The following GMPS variants were observed in gnomAD, a reference collection of about 807,000 sequenced individuals.
GMPS encodes GMP synthase [glutamine-hydrolyzing].
In GMPS, 15 loss-of-function variants were observed where a neutral mutation model predicts 77.9. That is an observed-to-expected ratio of 0.19 (90% CI 0.13 to 0.30). The LOEUF (loss-of-function observed/expected upper bound fraction) is 0.30, where lower values mean the gene tolerates loss of function less well. GMPS is among the 10% of genes least tolerant of loss of function. The pLI, the probability that GMPS is intolerant of heterozygous loss-of-function variation, is 1.00. For synonymous variants in GMPS, 224 were observed against 275.9 expected (o/e 0.81, Z 1.86); for missense variants, 590 against 838.8 (o/e 0.70, Z 3.66).
At chr3:155,871,610 G>T (rs1283663165) in intron 1 of GMPS, among the ~76,000 whole-genome samples, 1 of 152,248 alleles carries the variant, frequency 6.6e-6, no homozygotes, top group African/African-American at 2.4e-5. Context: ...AGAGAGGAAA[G>T]GGTGTGTGTC....
chr3:155,924,263 G>C (rs1216714307), intron 11 of GMPS, among the ~76,000 whole-genome samples: 1 of 152,224 alleles, frequency 6.6e-6, no homozygotes, highest in Non-Finnish European at 1.5e-5. Flanking sequence ...GGAATGCTAA[G>C]CAAGGAAAAT....
Position 155,942,631 on chromosome 3 carries a change from A to G in GMPS, c.*4939A>G, listed in dbSNP as rs1373566881. On this transcript the variant is annotated 3_prime_UTR_variant, in exon 16 of 16. Coordinates refer to ENST00000496455, the MANE Select transcript of GMPS (RefSeq NM_003875.3). The stretch of plus-strand genomic sequence containing the variant: ...CACTCCCAGGACCTGTTTGGTAATA[A>G]TTAGGACAGCTGACATACTTGTTGC... The G allele has an allele frequency of 8.7e-6, 2 of 228,914 alleles. No individual in the cohort carries two copies. The highest frequency in any genetic ancestry group is 4.4e-5 in the African/African-American group (2 of 45,108). 14.2% of individuals were successfully genotyped at this position (228,914 alleles called of 1,614,324 possible). A position where few individuals can be genotyped will look rare whatever the true frequency, so the allele number is the denominator to read the frequency against.
intron 7 of GMPS, 90 bp from the exon 8 acceptor site, chr3:155,914,329 G>T (rs1054563939): frequency 1.8e-5 from 17 of 963,186 alleles, no homozygotes; most frequent in African/African-American, 1.7e-5. Context: ...GACTGGGAAA[G>T]AAATAGCTTT....
intron 3 of GMPS, among the ~76,000 whole-genome samples, chr3:155,901,396 A>C (rs897688431): frequency 2.0e-5 from 3 of 152,110 alleles, no homozygotes; most frequent in Admixed American, 6.6e-5. Flanking sequence ...TTACTTTTAC[A>C]TTCCAGTGTT....
At chr3:155,909,656 A>G (rs1404075836) in intron 5 of GMPS, among the ~76,000 whole-genome samples, 2 of 152,274 alleles carry the variant, frequency 1.3e-5, no homozygotes, top group Admixed American at 6.5e-5. Context: ...TTTAACATTT[A>G]TAGAGGAAGA....
chr3:155,940,734 G>T lies in GMPS; in HGVS notation c.*3042G>T. ...AGCAGGAGACAGAATGGAGAAGCTG[G>T]ATAGTGTTTTTTTTTTTTTTTTTTA... is the stretch of plus-strand genomic sequence containing the variant. On this transcript the variant is annotated 3_prime_UTR_variant, in exon 16 of 16. Transcript: ENST00000496455. The T allele has an allele frequency of 5.3e-6, 1 of 189,244 alleles. No homozygotes were observed. The highest frequency in any genetic ancestry group is 1.0e-5 in the Non-Finnish European group (1 of 99,220). 11.7% of individuals were successfully genotyped at this position (189,244 alleles called of 1,614,324 possible). A position where few individuals can be genotyped will look rare whatever the true frequency, so the allele number is the denominator to read the frequency against.
intron 6 of GMPS, 107 bp from the exon 7 acceptor site, chr3:155,911,007 T>G: frequency 9.1e-7 from 1 of 1,099,562 alleles, no homozygotes; most frequent in Middle Eastern, 2.3e-4. Flanking sequence ...CCAGTTACCA[T>G]ACATATCTTT....
At chr3:155,890,767 G>C (rs1754445129) in intron 1 of GMPS, among the ~76,000 whole-genome samples, 1 of 152,170 alleles carries the variant, frequency 6.6e-6, no homozygotes, top group Non-Finnish European at 1.5e-5. Flanking sequence ...GGTAAGTTCT[G>C]TGGCTGTATA....
chr3:155,925,156 A>C, intron 11 of GMPS, 85 bp from the exon 12 acceptor site: 2 of 1,240,082 alleles, frequency 1.6e-6, no homozygotes, highest in Non-Finnish European at 2.3e-6. Flanking sequence ...AAAAACCAGT[A>C]AAATACATAA....
rs1243873792 is a variant in GMPS, at chr3:155,942,528, G to A, written c.*4836G>A. 1.3e-5 allele frequency: 3 copies of A among 227,584 alleles called. No individual in the cohort carries two copies. Among genetic ancestry groups the A allele is most frequent in the Non-Finnish European group, 2.6e-5 (3 of 114,566 alleles). 14.1% of individuals were successfully genotyped at this position (227,584 alleles called of 1,614,324 possible). ...AGGCCATAGAGATGGTCTTGCTGAAGGTCTTATAGCTAAATTAGTTCAGAT... is the reference window on the plus strand; with the variant it reads ...AGGCCATAGAGATGGTCTTGCTGAAAGTCTTATAGCTAAATTAGTTCAGAT... On this transcript the variant is annotated 3_prime_UTR_variant, in exon 16 of 16. Coordinates refer to ENST00000496455, the MANE Select transcript of GMPS (RefSeq NM_003875.3).
intron 2 of GMPS, among the ~76,000 whole-genome samples, chr3:155,894,305 C>G (rs752345811): frequency 6.6e-6 from 1 of 152,144 alleles, no homozygotes; most frequent in Non-Finnish European, 1.5e-5. Context: ...CTCACTGCAA[C>G]CTCCACCTCC....
intron 12 of GMPS, 45 bp downstream of exon 12, chr3:155,925,411 TTTTC>T: frequency 1.4e-5 from 21 of 1,495,580 alleles, no homozygotes; most frequent in Admixed American, 2.2e-5. Flanking sequence ...TTTTTTTTTT[TTTTC>T]TTTTCTTGAG....
rs1755911716 is a variant in GMPS, at chr3:155,942,291, T to C, written c.*4599T>C. 5.4e-6 allele frequency: 1 copy of C among 185,916 alleles called. No homozygotes were observed. Among genetic ancestry groups the C allele is most frequent in the Admixed American group, 6.2e-5 (1 of 16,108 alleles). The allele number at this position is 185,916 out of a possible 1,614,324, so 11.5% of individuals were successfully genotyped here. On this transcript the variant is annotated 3_prime_UTR_variant, in exon 16 of 16. Coordinates refer to ENST00000496455, the MANE Select transcript of GMPS (RefSeq NM_003875.3). The stretch of plus-strand genomic sequence containing the variant: ...TTTTAGTAGAGACAGGGTTTCACTG[T>C]GTTATACAGGATGGTCTCGATCTCC...
rs1186737141 is a variant in GMPS, at chr3:155,938,931, C to G, written c.*1239C>G. ...TAGCTAAGAATGTTACCATATTTTT[C>G]TCTTAACAATTCCATCTCAGGTTGC... On this transcript the variant is annotated 3_prime_UTR_variant, in exon 16 of 16. Transcript: ENST00000496455. 2 of 216,988 alleles carry G rather than the reference C, an allele frequency of 9.2e-6. No homozygotes were observed. Among genetic ancestry groups the G allele is most frequent in the African/African-American group, 4.5e-5 (2 of 44,438 alleles). 13.4% of individuals were successfully genotyped at this position (216,988 alleles called of 1,614,324 possible).
chr3:155,924,167 C>T (rs543078350), intron 11 of GMPS, among the ~76,000 whole-genome samples: 1 of 152,328 alleles, frequency 6.6e-6, no homozygotes, highest in Non-Finnish European at 1.5e-5. Flanking sequence ...GCGTGAGCCA[C>T]TGGGCCCGGC....
chr3:155,914,585 A>G lies in GMPS; in HGVS notation c.1038+15A>G. On this transcript the variant is annotated intron_variant, in intron 8 of 15. Transcript: ENST00000496455. The stretch of plus-strand genomic sequence containing the variant: ...CTTTTGTTAAGGTACCTTTGTTTTT[A>G]ATATCCTCAACATGTACTATTTTTG... 6.6e-7 allele frequency: 1 copy of G among 1,521,618 alleles called. No individual in the cohort carries two copies. The highest frequency in any genetic ancestry group is 1.3e-5 in the South Asian group (1 of 79,744). 94.3% of individuals were successfully genotyped at this position (1,521,618 alleles called of 1,614,324 possible).
chr3:155,930,562 A>G (rs1755587822), intron 12 of GMPS, among the ~76,000 whole-genome samples: 1 of 152,204 alleles, frequency 6.6e-6, no homozygotes, highest in African/African-American at 2.4e-5. Context: ...CTACCATCAG[A>G]GTGAACAGGC....
At chr3:155,870,985 C>G in intron 1 of GMPS, 88 bp downstream of exon 1, 1 of 1,231,698 alleles carries the variant, frequency 8.1e-7, no homozygotes. Context: ...CTTCCCCACC[C>G]CCTTCCCCCA....
intron 12 of GMPS, among the ~76,000 whole-genome samples, chr3:155,926,699 C>G (rs945877412): frequency 5.9e-5 from 9 of 152,156 alleles, no homozygotes; most frequent in African/African-American, 2.2e-4. Context: ...GCTCTGAATT[C>G]ATGCAGTTCT....
Sources: allele counts gnomAD v4.1 joint callset (sites outside exome capture counted in the v4.1 genomes callset), GRCh38; gene constraint gnomAD v4.1.1; transcripts MANE v1.5; gene names NCBI Gene and HGNC (gene_info 2026-07-23, HGNC 2026-07-21).